Variants in TMOD3 observed in about 807,000 individuals in gnomAD.
TMOD3 encodes the protein tropomodulin-3.
A neutral mutation model predicts 39.2 loss-of-function variants in TMOD3; 20 were observed. The observed-to-expected ratio is 0.51, with a 90% CI of 0.36 to 0.74. The LOEUF (loss-of-function observed/expected upper bound fraction) is 0.74, where lower values mean the gene tolerates loss of function less well. Ranked by LOEUF, TMOD3 falls within the 30% of genes least tolerant of loss-of-function variation. TMOD3 has a pLI of 0.00. For synonymous variants in TMOD3, 143 were observed against 145.8 expected, an observed-to-expected ratio of 0.98 and a Z score of 0.14; for missense variants, 381 against 412.8, an observed-to-expected ratio of 0.92 and a Z score of 0.67.
rs1291929022 is a variant in TMOD3, at chr15:51,912,339, A to G, written c.*3529A>G. The stretch of plus-strand genomic sequence containing the variant: ...CTACTCGGGAGGCTGAGGCAGGAGA[A>G]TCACTAGAACTCGGGAGGCGGAGGT... On this transcript the variant is annotated 3_prime_UTR_variant, in exon 10 of 10. Coordinates refer to ENST00000308580, the MANE Select transcript of TMOD3 (RefSeq NM_014547.5). 1 of 151,990 alleles carries G rather than the reference A, an allele frequency of 6.6e-6. No individual in the cohort carries two copies. The highest frequency in any genetic ancestry group is 2.4e-5 in the African/African-American group (1 of 41,376). 9.4% of individuals were successfully genotyped at this position (151,990 alleles called of 1,614,324 possible).
At chr15:51,904,269 T>G (rs1203583163) in intron 9 of TMOD3, among the ~76,000 whole-genome samples, 1 of 152,218 alleles carries the variant, frequency 6.6e-6, no homozygotes, top group East Asian at 1.9e-4. Context: ...GAAAACTAAT[T>G]ATATGTAGTA....
At chr15:51,853,902 AG>A (rs1184798188) in intron 1 of TMOD3, among the ~76,000 whole-genome samples, 4 of 152,122 alleles carry the variant, frequency 2.6e-5, no homozygotes, top group African/African-American at 9.7e-5. Flanking sequence ...GGACATTTTC[AG>A]CTAGGTCTTG....
intron 1 of TMOD3, among the ~76,000 whole-genome samples, chr15:51,837,363 G>A (rs116330453): frequency 1.5e-4 from 22 of 151,500 alleles, no homozygotes; most frequent in Admixed American, 1.4e-3. Flanking sequence ...CAACCCCCAA[G>A]ATTTATTTTC....
Position 51,911,576 on chromosome 15 carries a change from A to G in TMOD3, c.*2766A>G, listed in dbSNP as rs1379865833. On this transcript the variant is annotated 3_prime_UTR_variant, in exon 10 of 10. Coordinates refer to ENST00000308580, the MANE Select transcript of TMOD3 (RefSeq NM_014547.5). ...GCAATAGTCTTAATTTTTAAGCCAA[A>G]GGTTTTCTGAGACCTTAGGTTTTGT... 1.3e-5 allele frequency: 2 copies of G among 152,196 alleles called. No homozygotes were observed. Among genetic ancestry groups the G allele is most frequent in the Non-Finnish European group, 2.9e-5 (2 of 68,028 alleles). The allele number at this position is 152,196 out of a possible 1,614,324, so 9.4% of individuals were successfully genotyped here.
In TMOD3 at chr15:51,882,195, T is replaced by C. The variant is rs1401742127; in HGVS notation, c.284-5394T>C. ...CAGGCGTGAGTCACCATGCCCAGCC[T>C]ATTTAGGTTTATAATCTATTTTGAG... On this transcript the variant is annotated intron_variant, in intron 3 of 9. Coordinates refer to ENST00000308580, the MANE Select transcript of TMOD3 (RefSeq NM_014547.5). Among the ~76,000 whole-genome samples, 5 of 151,812 alleles carry C rather than the reference T, an allele frequency of 3.3e-5. 1 individual carries two copies. Among genetic ancestry groups the C allele is most frequent in the Admixed American group, 3.3e-4 (5 of 15,254 alleles).
In TMOD3 at chr15:51,900,416, G is replaced by A. The variant is rs527632572; in HGVS notation, c.879+118G>A. 3.4e-5 allele frequency: 39 copies of A among 1,130,754 alleles called. No individual in the cohort carries two copies. In the East Asian group the frequency reaches 9.5e-4, roughly 28 times the overall value. 70.0% of individuals were successfully genotyped at this position (1,130,754 alleles called of 1,614,324 possible). A position where few individuals can be genotyped will look rare whatever the true frequency, so the allele number is the denominator to read the frequency against. ...TCAGGGATCCCTGTTGGAAGATGCT[G>A]GGCTGAAAGGAGAGCTGACATTTGG... On this transcript the variant is annotated intron_variant, in intron 8 of 9. Transcript: ENST00000308580.
At chr15:51,863,979 C>G (rs1333027019) in intron 2 of TMOD3, among the ~76,000 whole-genome samples, 1 of 152,060 alleles carries the variant, frequency 6.6e-6, no homozygotes, top group East Asian at 1.9e-4. Flanking sequence ...TGTTTTAGAA[C>G]TGGAAAAAGT....
At chr15:51,831,409 G>A (rs1420287939) in intron 1 of TMOD3, among the ~76,000 whole-genome samples, 7 of 152,190 alleles carry the variant, frequency 4.6e-5, no homozygotes, top group African/African-American at 1.7e-4. Context: ...GTGGAGGGCA[G>A]TCTTTTCAAA....
intron 7 of TMOD3, 124 bp from the exon 8 acceptor site, chr15:51,900,031 T>G (rs2056641474): frequency 5.1e-6 from 5 of 985,648 alleles, no homozygotes; most frequent in African/African-American, 1.6e-5. Flanking sequence ...GGCTACTGTG[T>G]CAAACTGAAA....
intron 1 of TMOD3, among the ~76,000 whole-genome samples, chr15:51,845,420 C>A (rs1315826439): frequency 5.3e-5 from 8 of 152,194 alleles, no homozygotes; most frequent in Non-Finnish European, 1.0e-4. Flanking sequence ...CACCCTCAGT[C>A]TGATGCTGGG....
chr15:51,894,201 T>C (rs538480679), intron 6 of TMOD3, among the ~76,000 whole-genome samples: 1 of 152,300 alleles, frequency 6.6e-6, no homozygotes, highest in South Asian at 2.1e-4. Flanking sequence ...TCTCAGGTTT[T>C]CTAAATACTG....
rs1447136940 is a variant in TMOD3 at position 51,910,462 on chromosome 15, G to C, written c.*1652G>C. On this transcript the variant is annotated 3_prime_UTR_variant, in exon 10 of 10. Coordinates refer to ENST00000308580, the MANE Select transcript of TMOD3 (RefSeq NM_014547.5). ...GTGGTGGTGCACACCTGTAATCCCAGCTACTCAGGAGGCTGAGGCAGGAGA... is the reference window on the plus strand; with the variant it reads ...GTGGTGGTGCACACCTGTAATCCCACCTACTCAGGAGGCTGAGGCAGGAGA... 6.6e-6 allele frequency: 1 copy of C among 152,386 alleles called. No homozygotes were observed. Among genetic ancestry groups the C allele is most frequent in the East Asian group, 1.9e-4 (1 of 5,196 alleles). The allele number at this position is 152,386 out of a possible 1,614,324, so 9.4% of individuals were successfully genotyped here. A position where few individuals can be genotyped will look rare whatever the true frequency, so the allele number is the denominator to read the frequency against.
Position 51,866,435 on chromosome 15 carries a change from G to T in TMOD3, c.127-2782G>T, listed in dbSNP as rs187958135. On this transcript the variant is annotated intron_variant, in intron 2 of 9. Transcript: ENST00000308580. The stretch of plus-strand genomic sequence containing the variant: ...ATCGCACCACTGTACTCCAGCCTGA[G>T]CAGTAGAGCAAGACCCTGTCTCCCC... Among the ~76,000 whole-genome samples, 226 of 151,952 alleles carry T rather than the reference G, an allele frequency of 1.5e-3. 1 individual carries two copies. The highest frequency in any genetic ancestry group is 5.1e-3 in the African/African-American group (213 of 41,406).
intron 2 of TMOD3, among the ~76,000 whole-genome samples, chr15:51,864,656 A>T (rs1437811944): frequency 6.6e-6 from 1 of 152,194 alleles, no homozygotes; most frequent in East Asian, 1.9e-4. Context: ...GTTCAATGGG[A>T]ATGAATGGGT....
At chr15:51,852,440 A>AT (rs967196887) in intron 1 of TMOD3, among the ~76,000 whole-genome samples, 1 of 152,160 alleles carries the variant, frequency 6.6e-6, no homozygotes, top group Non-Finnish European at 1.5e-5. Context: ...AAAAAAAAAA[A>AT]ATCAAATTTT....
In TMOD3 at chr15:51,912,570, G is replaced by C. The variant is rs1052358998; in HGVS notation, c.*3760G>C. The C allele has an allele frequency of 1.3e-5, 2 of 151,892 alleles. No individual in the cohort carries two copies. The highest frequency in any genetic ancestry group is 2.9e-5 in the Non-Finnish European group (2 of 68,002). 9.4% of individuals were successfully genotyped at this position (151,892 alleles called of 1,614,324 possible). ...TTACATTTTAGGGTCTGTGTTCCCA[G>C]GGCTGCCTCACTTTTTCCCTAAAAA... On this transcript the variant is annotated 3_prime_UTR_variant, in exon 10 of 10. Transcript: ENST00000308580.
intron 1 of TMOD3, chr15:51,859,120 A>G (rs1039125546): frequency 4.9e-5 from 30 of 617,564 alleles, no homozygotes; most frequent in East Asian, 2.2e-4. Context: ...AAATGGACTC[A>G]TAATACATAT....
chr15:51,834,075 G>A (rs1355524494), intron 1 of TMOD3, among the ~76,000 whole-genome samples: 1 of 152,140 alleles, frequency 6.6e-6, no homozygotes, highest in Non-Finnish European at 1.5e-5. Context: ...TGGCTATGCA[G>A]TATCTTTTTT....
chr15:51,864,053 G>T (rs1417696865), intron 2 of TMOD3, among the ~76,000 whole-genome samples: 1 of 151,978 alleles, frequency 6.6e-6, no homozygotes, highest in African/African-American at 2.4e-5. Context: ...ATCACTTGAG[G>T]CCAGGAGTTC....
Sources: allele counts gnomAD v4.1 joint callset (sites outside exome capture counted in the v4.1 genomes callset), GRCh38; gene constraint gnomAD v4.1.1; transcripts MANE v1.5; gene names NCBI Gene and HGNC (gene_info 2026-07-23, HGNC 2026-07-21).